The following KCTD19 variants were observed in gnomAD, a reference collection of about 807,000 sequenced individuals.
KCTD19 encodes BTB/POZ domain-containing protein KCTD19.
KCTD19 carries 67 observed loss-of-function variants against 103.5 expected under a neutral mutation model. The observed-to-expected ratio is 0.65, with a 90% CI of 0.53 to 0.79. The LOEUF (loss-of-function observed/expected upper bound fraction) is 0.79, where lower values mean the gene tolerates loss of function less well. KCTD19 is among the 30% of genes least tolerant of loss of function. The pLI is 0.00. For missense variants in KCTD19, 980 were observed against 1,136.1 expected (o/e 0.86, Z 1.98); for synonymous variants, 439 against 452.2 (o/e 0.97, Z 0.37).
intron 6 of KCTD19, among the ~76,000 whole-genome samples, 192 bp from the exon 7 acceptor site, chr16:67,297,855 A>T (rs2036784331): frequency 6.6e-6 from 1 of 152,052 alleles, no homozygotes; most frequent in Non-Finnish European, 1.5e-5. Flanking sequence ...CAGTGACGCA[A>T]TCTTGGCTCA....
rs1367819699 is a variant in KCTD19, at chr16:67,326,715, G to C, written c.-8C>G. ...GAGCGGGCTCCGTACCATGGTCGCGGCTCCAGCAGCGGGCGGGCGGGCTTG... is the reference window on the plus strand; with the variant it reads ...GAGCGGGCTCCGTACCATGGTCGCGCCTCCAGCAGCGGGCGGGCGGGCTTG... On this transcript the variant is annotated 5_prime_UTR_variant, in exon 1 of 16. Coordinates refer to ENST00000304372, the MANE Select transcript of KCTD19 (RefSeq NM_001100915.3). 1 of 1,575,014 alleles carries C rather than the reference G, an allele frequency of 6.3e-7. No homozygotes were observed. The highest frequency in any genetic ancestry group is 8.6e-7 in the Non-Finnish European group (1 of 1,165,730).
At chr16:67,308,324 C>T (rs2036915295) in intron 2 of KCTD19, among the ~76,000 whole-genome samples, 1 of 151,942 alleles carries the variant, frequency 6.6e-6, no homozygotes, top group Admixed American at 6.6e-5. Flanking sequence ...GCCGCAACAC[C>T]CCATTAACTT....
At chr16:67,295,909 T>C (rs1426684901) in intron 8 of KCTD19, 3 of 444,840 alleles carry the variant, frequency 6.7e-6, no homozygotes, top group Non-Finnish European at 1.3e-5. Flanking sequence ...CACACCCAGC[T>C]AATTTTTGTA....
At chr16:67,297,863 T>A (rs2036784488) in intron 6 of KCTD19, among the ~76,000 whole-genome samples, 200 bp from the exon 7 acceptor site, 1 of 152,134 alleles carries the variant, frequency 6.6e-6, no homozygotes, top group Admixed American at 6.6e-5. Context: ...CAATCTTGGC[T>A]CACTGCAACC....
chr16:67,304,325 G>T, intron 3 of KCTD19, 96 bp downstream of exon 3: 2 of 1,191,804 alleles, frequency 1.7e-6, no homozygotes, highest in Non-Finnish European at 2.5e-6. Context: ...CAGAAATCAG[G>T]CACTCTCTGC....
intron 8 of KCTD19, chr16:67,295,606 G>C (rs2036756256): frequency 1.1e-5 from 6 of 523,452 alleles, no homozygotes; most frequent in South Asian, 7.8e-5. Flanking sequence ...TTCAACTTTT[G>C]ATGGCCCCTA....
At chr16:67,292,325 A>T (rs1310120182) in intron 12 of KCTD19, among the ~76,000 whole-genome samples, 1 of 152,190 alleles carries the variant, frequency 6.6e-6, no homozygotes, top group Non-Finnish European at 1.5e-5. Flanking sequence ...CTCAGAAGTG[A>T]CACCCTGGGC....
chr16:67,303,915 A>G lies in KCTD19; in HGVS notation c.451+506T>C, dbSNP rs2036863978. 6.6e-6 allele frequency among the ~76,000 whole-genome samples: 1 copy of G among 152,250 alleles called. No homozygotes were observed. Among genetic ancestry groups the G allele is most frequent in the African/African-American group, 2.4e-5 (1 of 41,468 alleles). On this transcript the variant is annotated intron_variant, in intron 3 of 15. Coordinates refer to ENST00000304372, the MANE Select transcript of KCTD19 (RefSeq NM_001100915.3). This position sits in a 1 kb window ranked among gnomAD's most constrained non-coding sequence, Gnocchi z 4.3. Reference sequence around the variant, plus strand: ...ATGTGACATTTTGACTTATGTATCCAAAGTCATTAAATTCATTTACCCATT... The same window carrying G: ...ATGTGACATTTTGACTTATGTATCCGAAGTCATTAAATTCATTTACCCATT...
At chr16:67,299,330 A>G (rs755022564) in intron 6 of KCTD19, 33 bp downstream of exon 6, 51 of 1,597,630 alleles carry the variant, frequency 3.2e-5, no homozygotes, top group Non-Finnish European at 4.2e-5. Flanking sequence ...GCCAAGGGTG[A>G]TGGGACTCAG....
Position 67,320,814 on chromosome 16 carries a change from T to G in KCTD19, c.75A>C (p.Ser25=). The G allele has an allele frequency of 6.2e-7, 1 of 1,614,108 alleles. No individual in the cohort carries two copies. Among genetic ancestry groups the G allele is most frequent in the African/African-American group, 1.3e-5 (1 of 75,028 alleles). The change falls in exon 2 of 16, where the codon TCA becomes TCC. Residue 25 remains serine, a synonymous_variant. Coordinates refer to ENST00000304372, the MANE Select transcript of KCTD19 (RefSeq NM_001100915.3). This position sits in a 1 kb window ranked among gnomAD's most constrained non-coding sequence, Gnocchi z 4.0. ...ACTGAGAGAGTTTGCTTCTGGGAAC[T>G]GAGAAATGCCAGCCCCCTACGTTGA... is the stretch of plus-strand genomic sequence containing the variant. ...FHFNVGGWHF[S]VPRSKLSQFP...
chr16:67,290,881 TCACCTC>T lies in KCTD19; in HGVS notation c.2665_2667+3del. On this transcript the variant is annotated splice_donor_variant and splice_donor_region_variant and coding_sequence_variant and intron_variant, in exon 15 of 16. Coordinates refer to ENST00000304372, the MANE Select transcript of KCTD19 (RefSeq NM_001100915.3). LOFTEE classifies it high-confidence loss of function. ...GATTCCCAGGGATTGCAAGTGGCCCTCACCTCCACCCAGCTGTACAGGCGCTCCTGG... is the reference window on the plus strand; with the variant it reads ...GATTCCCAGGGATTGCAAGTGGCCCTCACCCAGCTGTACAGGCGCTCCTGG... 6.2e-7 allele frequency: 1 copy of T among 1,609,666 alleles called. No homozygotes were observed. The highest frequency in any genetic ancestry group is 8.5e-7 in the Non-Finnish European group (1 of 1,178,254).
At chr16:67,291,017 T>TA in intron 14 of KCTD19, 31 bp from the exon 15 acceptor site, 1 of 1,607,076 alleles carries the variant, frequency 6.2e-7, no homozygotes, top group Non-Finnish European at 8.5e-7. Flanking sequence ...CAGGCAGTGC[T>TA]AGGGCAGCTC....
At chr16:67,304,286 A>C (rs2036867713) in intron 3 of KCTD19, 135 bp downstream of exon 3, 3 of 848,254 alleles carry the variant, frequency 3.5e-6, no homozygotes, top group Non-Finnish European at 5.8e-6. Context: ...GGCAGGGCAG[A>C]AGATCAAAGG....
chr16:67,315,398 T>C (rs2037000586), intron 2 of KCTD19, among the ~76,000 whole-genome samples: 1 of 150,864 alleles, frequency 6.6e-6, no homozygotes, highest in Non-Finnish European at 1.5e-5. Flanking sequence ...CTCCACATCC[T>C]GGATTCAAGC....
chr16:67,314,764 C>T (rs2142519073), intron 2 of KCTD19, among the ~76,000 whole-genome samples: 1 of 144,226 alleles, frequency 6.9e-6, no homozygotes, highest in African/African-American at 2.6e-5. Context: ...CTGTTTCTTT[C>T]ACTTAGCTGA....
intron 15 of KCTD19, among the ~76,000 whole-genome samples, chr16:67,290,232 C>T (rs111328302): frequency 0.017 from 2,016 of 120,572 alleles, 20 homozygotes; most frequent in Admixed American, 0.026. Flanking sequence ...GGCTGGAGTG[C>T]AGTGGCACGA....
At position 67,290,970 on chromosome 16, in the gene KCTD19, G is replaced by T. The variant is rs1225282687; in HGVS notation, c.2582C>A (p.Pro861His). Reference sequence around the variant, plus strand: ...CAGCAAATCTACCACAAACTGCTTGGGGCTGATGTGCAGGGTCTGCCAGGA... The same window carrying T: ...CAGCAAATCTACCACAAACTGCTTGTGGCTGATGTGCAGGGTCTGCCAGGA... ...ANRLWTLHIS[P>H]KQFVVDLLAI... The change falls in exon 15 of 16, where the codon CCC becomes CAC. Residue 861 changes from proline to histidine, a missense_variant. Physicochemically the swap from Pro to His is moderately conservative, Grantham distance 77. Transcript: ENST00000304372. 1.2e-6 allele frequency: 2 copies of T among 1,614,108 alleles called. No homozygotes were observed. Among genetic ancestry groups the T allele is most frequent in the Admixed American group, 3.3e-5 (2 of 60,016 alleles).
chr16:67,305,977 G>A (rs942412191), intron 2 of KCTD19, among the ~76,000 whole-genome samples: 2 of 152,156 alleles, frequency 1.3e-5, no homozygotes, highest in Non-Finnish European at 2.9e-5. Context: ...ATGGCTGGAG[G>A]GTTTGCAAAA....
intron 2 of KCTD19, among the ~76,000 whole-genome samples, chr16:67,316,521 T>C (rs905687100): frequency 1.3e-5 from 2 of 152,094 alleles, no homozygotes; most frequent in East Asian, 3.8e-4. Flanking sequence ...CTGGGGAAAA[T>C]GTAGCAATAT....
Sources: allele counts gnomAD v4.1 joint callset (sites outside exome capture counted in the v4.1 genomes callset), GRCh38; gene constraint gnomAD v4.1.1; non-coding constraint Gnocchi (gnomAD v3.1); transcripts MANE v1.5; gene names NCBI Gene and HGNC (gene_info 2026-07-23, HGNC 2026-07-21).